The following ANO3 variants were observed in gnomAD, a reference collection of about 807,000 sequenced individuals.
ANO3 encodes anoctamin 3.
In ANO3, 99 loss-of-function variants were observed where a neutral mutation model predicts 144.8. The observed-to-expected ratio is 0.68, with a 90% confidence interval of 0.58 to 0.81. The LOEUF (loss-of-function observed/expected upper bound fraction) is 0.81, where lower values mean the gene tolerates loss of function less well. Ranked by LOEUF, ANO3 falls within the 30% of genes least tolerant of loss-of-function variation. The pLI, the probability that ANO3 is intolerant of heterozygous loss-of-function variation, is 0.00. For missense variants in ANO3, 905 were observed against 1,202.2 expected (o/e 0.75, Z 3.66); for synonymous variants, 414 against 392.6 (o/e 1.05, Z -0.64).
upstream of ANO3, among the ~76,000 whole-genome samples, chr11:26,328,434 C>T (rs1347014488): frequency 1.3e-5 from 2 of 152,126 alleles, no homozygotes; most frequent in Non-Finnish European, 2.9e-5. Context: ...ATTCACAATT[C>T]CAATTTTAAT....
chr11:26,322,611 G>A (rs1289761214), intron 1 of ANO3, among the ~76,000 whole-genome samples: 1 of 152,042 alleles, frequency 6.6e-6, no homozygotes, highest in African/African-American at 2.4e-5. Flanking sequence ...GGTTAGAAAG[G>A]AATTATCAGT....
chr11:26,447,768 A>G (rs1858756347), intron 3 of ANO3, among the ~76,000 whole-genome samples: 1 of 152,132 alleles, frequency 6.6e-6, no homozygotes. Context: ...CATCCCATAT[A>G]TCCCCACACA....
chr11:26,498,707 T>A (rs1414691488), intron 4 of ANO3, among the ~76,000 whole-genome samples: 2 of 151,750 alleles, frequency 1.3e-5, no homozygotes, highest in Non-Finnish European at 3.0e-5. Context: ...TTGAGACTTC[T>A]GTATAATATT....
intron 1 of ANO3, among the ~76,000 whole-genome samples, chr11:26,402,700 GA>G (rs1292382427): frequency 6.6e-6 from 1 of 151,896 alleles, no homozygotes; most frequent in African/African-American, 2.4e-5. Context: ...ACACACTGGG[GA>G]CTTTTGGAGG....
rs1169014806 is a variant in ANO3, at chr11:26,434,837, T to TC, written c.47-7080dup. 7.9e-5 allele frequency among the ~76,000 whole-genome samples: 12 copies of TC among 152,244 alleles called. No homozygotes were observed. The East Asian group carries it at 2.3e-3, about 29-fold the overall frequency. Reference sequence around the variant, plus strand: ...TATGCATTTGCTGAGGGTTGTTATGTCAGTGGGGTGGTCGATTTTAAAGTA... The same window carrying TC: ...TATGCATTTGCTGAGGGTTGTTATGTCCAGTGGGGTGGTCGATTTTAAAGTA... On this transcript the variant is annotated intron_variant, in intron 1 of 26. Coordinates refer to ENST00000256737, the MANE Select transcript of ANO3 (RefSeq NM_031418.4).
At chr11:26,525,714 T>A (rs762402896) in intron 7 of ANO3, 35 bp downstream of exon 7, 2 of 1,557,840 alleles carry the variant, frequency 1.3e-6, no homozygotes, top group Admixed American at 3.7e-5. Flanking sequence ...TTATAACAAA[T>A]TTGTCGTTTT....
At chr11:26,251,631 A>C (rs983794999) in intron 1 of ANO3, among the ~76,000 whole-genome samples, 12 of 152,146 alleles carry the variant, frequency 7.9e-5, no homozygotes, top group African/African-American at 2.9e-4. Flanking sequence ...GCTATAACGA[A>C]ATACCCAAGA....
chr11:26,558,876 C>T (rs1356006755), intron 13 of ANO3, among the ~76,000 whole-genome samples: 1 of 151,962 alleles, frequency 6.6e-6, no homozygotes, highest in Non-Finnish European at 1.5e-5. Context: ...CATGATTGTC[C>T]TCACCCTCCT....
Position 26,400,424 on chromosome 11 carries a change from AAATAT to A in ANO3, c.47-41486_47-41482del, listed in dbSNP as rs1340012222. On this transcript the variant is annotated intron_variant, in intron 1 of 26. Coordinates refer to ENST00000256737, the MANE Select transcript of ANO3 (RefSeq NM_031418.4). Reference sequence around the variant, plus strand: ...CAAATTGTGTTTGTTTTTTTATTGCAAATATAATATAAAACAACACTGAAAACCAT... The same window carrying A: ...CAAATTGTGTTTGTTTTTTTATTGCAAATATAAAACAACACTGAAAACCAT... Among the ~76,000 whole-genome samples, 8 of 152,164 alleles carry A rather than the reference AAATAT, an allele frequency of 5.3e-5. No homozygotes were observed. In the South Asian group the frequency reaches 1.2e-3, roughly 24 times the overall value.
At chr11:26,539,049 A>G (rs1182397021) in intron 10 of ANO3, among the ~76,000 whole-genome samples, 2 of 151,986 alleles carry the variant, frequency 1.3e-5, no homozygotes, top group African/African-American at 2.4e-5. Flanking sequence ...TTTTACTTAC[A>G]AAAAGGACAG....
intron 12 of ANO3, among the ~76,000 whole-genome samples, chr11:26,550,333 G>A (rs1273435046): frequency 6.6e-6 from 1 of 151,844 alleles, no homozygotes; most frequent in Non-Finnish European, 1.5e-5. Context: ...GCACAAGACA[G>A]TATTATAGAC....
chr11:26,218,749 G>A lies in ANO3; in HGVS notation c.154+29419G>A, dbSNP rs535184780. Among the ~76,000 whole-genome samples, 7 of 152,002 alleles carry A rather than the reference G, an allele frequency of 4.6e-5. No homozygotes were observed. The South Asian group carries it at 1.5e-3, about 32-fold the overall frequency. ...TATTAAGGTTTTTGGTTTGTTTTTT[G>A]TTTTTTTCTTAAGGGAAAAAATATA... is the stretch of plus-strand genomic sequence containing the variant. On this transcript the variant is annotated intron_variant, in intron 1 of 27. Transcript: ENST00000672621.
At chr11:26,250,260 T>C (rs1484538331) in intron 1 of ANO3, among the ~76,000 whole-genome samples, 1 of 152,218 alleles carries the variant, frequency 6.6e-6, no homozygotes, top group South Asian at 2.1e-4. Context: ...GCTATGGGTA[T>C]TTTATGTTTT....
chr11:26,539,892 G>A (rs1849602487), intron 10 of ANO3, among the ~76,000 whole-genome samples: 1 of 152,092 alleles, frequency 6.6e-6, no homozygotes, highest in Admixed American at 6.6e-5. Flanking sequence ...AGAAAACTGA[G>A]ACATAACTCC....
intron 1 of ANO3, 22 bp downstream of exon 1, chr11:26,332,343 C>T (rs780740771): frequency 6.2e-6 from 10 of 1,613,150 alleles, no homozygotes; most frequent in African/African-American, 1.3e-5. Context: ...TCTTGCTCCC[C>T]TCTCCCTGCG....
chr11:26,273,321 C>T (rs1481161764), intron 1 of ANO3, among the ~76,000 whole-genome samples: 2 of 151,522 alleles, frequency 1.3e-5, no homozygotes, highest in Non-Finnish European at 2.9e-5. Flanking sequence ...CTATTTGCCC[C>T]CATACACAAT....
intron 1 of ANO3, among the ~76,000 whole-genome samples, chr11:26,301,891 A>G (rs1854242272): frequency 6.6e-6 from 1 of 152,140 alleles, no homozygotes; most frequent in Non-Finnish European, 1.5e-5. Flanking sequence ...TACATTATCA[A>G]CTCATTTCTA....
chr11:26,531,344 C>T lies in ANO3; in HGVS notation c.869+8C>T. 1.3e-6 allele frequency: 2 copies of T among 1,597,328 alleles called. No individual in the cohort carries two copies. Among genetic ancestry groups the T allele is most frequent in the Non-Finnish European group, 1.7e-6 (2 of 1,173,618 alleles). On this transcript the variant is annotated splice_region_variant and intron_variant, in intron 8 of 26. Coordinates refer to ENST00000256737, the MANE Select transcript of ANO3 (RefSeq NM_031418.4). ...CCGTGCACGGATTCACCAGTGAGTT[C>T]CCCTCTTTTTTCATACTGCCTACCT...
upstream of ANO3, among the ~76,000 whole-genome samples, chr11:26,331,144 C>T (rs1162100058): frequency 3.3e-5 from 5 of 152,034 alleles, no homozygotes; most frequent in South Asian, 2.1e-4. Flanking sequence ...TGAGAACACA[C>T]GGACACAATG....
Sources: gnomAD v4.1 joint callset for allele counts (sites outside exome capture counted in the v4.1 genomes callset) on GRCh38, gnomAD v4.1.1 for gene constraint, MANE v1.5 for transcripts, NCBI Gene and HGNC (gene_info 2026-07-23, HGNC 2026-07-21) for gene names.